WDR44: variants seen among roughly 807,000 people sequenced by gnomAD.
WDR44 encodes WD repeat domain 44.
WDR44 carries 9 observed loss-of-function variants against 65.7 expected under a neutral mutation model. That is an observed-to-expected ratio of 0.14 (90% CI 0.08 to 0.24). The LOEUF is 0.24. Among genes scored for constraint, WDR44 ranks in the 10% least tolerant of loss-of-function variants. WDR44 has a pLI of 1.00. For synonymous variants in WDR44, 220 were observed against 235.2 expected (o/e 0.94, Z 0.59); for missense variants, 425 against 670.9 (o/e 0.63, Z 4.05).
At chrX:118,414,993 C>G (rs1044496974) in intron 12 of WDR44, among the ~76,000 whole-genome samples, 4 of 111,569 alleles carry the variant, frequency 3.6e-5, no homozygotes, top group African/African-American at 1.3e-4. Context: ...TTTCCCCATT[C>G]AGTATTATGT....
intron 1 of WDR44, among the ~76,000 whole-genome samples, chrX:118,360,428 A>G (rs747620269): frequency 1.8e-5 from 2 of 111,809 alleles, no homozygotes; most frequent in South Asian, 3.7e-4. Context: ...TTTTGTTGTC[A>G]TCATTTTTCT....
intron 18 of WDR44, 63 bp from the exon 19 acceptor site, chrX:118,444,297 A>G: frequency 8.8e-7 from 1 of 1,141,828 alleles, no homozygotes. Context: ...CATATAACAT[A>G]CACTATCGTG....
chrX:118,400,004 C>T (rs780204851), intron 8 of WDR44, among the ~76,000 whole-genome samples: 1 of 110,569 alleles, frequency 9.0e-6, no homozygotes, highest in African/African-American at 3.3e-5. Flanking sequence ...GGGAGAATTG[C>T]TTGAGCCTGA....
intron 1 of WDR44, among the ~76,000 whole-genome samples, chrX:118,376,062 T>C (rs35764782): frequency 0.26 from 29,269 of 110,479 alleles, 3,174 homozygotes; most frequent in African/African-American, 0.39. Flanking sequence ...ATCAGCCTCC[T>C]AAGTAGCTAA....
intron 8 of WDR44, among the ~76,000 whole-genome samples, chrX:118,402,435 CAAAAAAAAAA>C (rs758497932): frequency 2.8e-4 from 4 of 14,431 alleles, no homozygotes; most frequent in South Asian, 8.3e-3. Context: ...AACTCTGTCT[CAAAAAAAAAA>C]AAAAAAAAAA....
chrX:118,363,729 A>G (rs548970220), intron 1 of WDR44, among the ~76,000 whole-genome samples: 17 of 112,369 alleles, frequency 1.5e-4, no homozygotes, highest in African/African-American at 5.2e-4. Flanking sequence ...AGACTTCAAT[A>G]AGAAAATTAG....
intron 12 of WDR44, among the ~76,000 whole-genome samples, chrX:118,416,274 G>A (rs762486109): frequency 4.3e-4 from 48 of 111,394 alleles, no homozygotes; most frequent in Non-Finnish European, 6.6e-4. Context: ...TGTGACCTTA[G>A]CATGTCAGTT....
At chrX:118,440,949 C>CTTTTTTTTT (rs1214126337) in intron 14 of WDR44, among the ~76,000 whole-genome samples, 7 of 50,359 alleles carry the variant, frequency 1.4e-4, no homozygotes, top group Admixed American at 5.5e-4. Flanking sequence ...TAAATGAAAT[C>CTTTTTTTTT]TTTTTTTTTT....
At chrX:118,431,993 A>G (rs938429986) in intron 12 of WDR44, among the ~76,000 whole-genome samples, 3 of 111,957 alleles carry the variant, frequency 2.7e-5, no homozygotes, top group African/African-American at 9.7e-5. Context: ...CAGATAATGA[A>G]TACGAAAGCA....
At chrX:118,403,919 T>C (rs1410533310) in intron 8 of WDR44, among the ~76,000 whole-genome samples, 1 of 112,128 alleles carries the variant, frequency 8.9e-6, no homozygotes, top group Non-Finnish European at 1.9e-5. Flanking sequence ...ATCTCTTTAC[T>C]CTTTATTGGT....
chrX:118,373,791 C>G (rs1232030228), intron 1 of WDR44, among the ~76,000 whole-genome samples: 1 of 111,175 alleles, frequency 9.0e-6, no homozygotes, highest in Non-Finnish European at 1.9e-5. Flanking sequence ...CTGACTCAAG[C>G]CAGTTTTTTG....
chrX:118,402,435 C>CA (rs758497932), intron 8 of WDR44, among the ~76,000 whole-genome samples: 337 of 14,111 alleles, frequency 0.024, 2 homozygotes, highest in Non-Finnish European at 0.031. Context: ...AACTCTGTCT[C>CA]AAAAAAAAAA....
intron 12 of WDR44, among the ~76,000 whole-genome samples, chrX:118,429,608 A>T (rs1376882087): frequency 9.0e-6 from 1 of 110,709 alleles, no homozygotes; most frequent in African/African-American, 3.3e-5. Context: ...AAAAAAGATA[A>T]GGAAATAGTC....
At chrX:118,402,439 A>AG (rs2056926813) in intron 8 of WDR44, among the ~76,000 whole-genome samples, 1 of 83,293 alleles carries the variant, frequency 1.2e-5, no homozygotes, top group African/African-American at 6.2e-5. Context: ...CTGTCTCAAA[A>AG]AAAAAAAAAA....
chrX:118,426,012 T>C (rs1420283068), intron 12 of WDR44, among the ~76,000 whole-genome samples: 1 of 111,397 alleles, frequency 9.0e-6, no homozygotes, highest in Admixed American at 9.5e-5. Flanking sequence ...GAGGCGGAGG[T>C]TGCAGTGAGC....
intron 1 of WDR44, among the ~76,000 whole-genome samples, chrX:118,359,344 T>C (rs1479611316): frequency 3.6e-5 from 4 of 112,429 alleles, no homozygotes; most frequent in South Asian, 3.6e-4. Context: ...CTTGGTGTTA[T>C]TGTTTTACTG....
chrX:118,385,324 TA>T (rs1241203908), intron 2 of WDR44, among the ~76,000 whole-genome samples: 1 of 111,958 alleles, frequency 8.9e-6, no homozygotes, highest in Non-Finnish European at 1.9e-5. Context: ...TATGCAGCCA[TA>T]AAAAAGAACG....
At chrX:118,384,077 T>A (rs983373279) in intron 2 of WDR44, among the ~76,000 whole-genome samples, 2 of 108,500 alleles carry the variant, frequency 1.8e-5, no homozygotes, top group Non-Finnish European at 3.8e-5. Context: ...GAGGTCTCAC[T>A]GTGTTGCCCA....
rs1039247051 is a variant in WDR44, at chrX:118,408,745, A to G, written c.1534-744A>G. Among the ~76,000 whole-genome samples the G allele has an allele frequency of 3.1e-4, 35 of 111,963 alleles. 1 individual carries two copies. Among genetic ancestry groups the G allele is most frequent in the Non-Finnish European group, 4.9e-4 (26 of 53,153 alleles). On this transcript the variant is annotated intron_variant, in intron 10 of 19. Coordinates refer to ENST00000254029, the MANE Select transcript of WDR44 (RefSeq NM_019045.5). ...CTAAGTGCTGGATGCTATACGGGTC[A>G]CTGCCAAGGTGGGCTTTAGTCTTCC...
Sources: allele counts gnomAD v4.1 joint callset (sites outside exome capture counted in the v4.1 genomes callset), GRCh38; gene constraint gnomAD v4.1.1; transcripts MANE v1.5; gene names NCBI Gene and HGNC (gene_info 2026-07-23, HGNC 2026-07-21).